The following LRP1B variants were observed in gnomAD, a reference collection of about 807,000 sequenced individuals.
The protein encoded by LRP1B is low-density lipoprotein receptor-related protein 1B.
A neutral mutation model predicts 556.6 loss-of-function variants in LRP1B; 217 were observed. That is an observed-to-expected ratio of 0.39 (90% CI 0.35 to 0.44). LRP1B has a LOEUF of 0.44. LRP1B is among the 20% of genes least tolerant of loss of function. The pLI is 1.00. For synonymous variants in LRP1B, 2,047 were observed against 1,865.8 expected, an observed-to-expected ratio of 1.10 and a Z score of -2.50; for missense variants, 5,053 against 5,620.8, an observed-to-expected ratio of 0.90 and a Z score of 3.23.
At chr2:141,797,144 A>ATC (rs1312768973) in intron 2 of LRP1B, among the ~76,000 whole-genome samples, 2 of 69,208 alleles carry the variant, frequency 2.9e-5, no homozygotes, top group Admixed American at 1.6e-4. Context: ...TTTGAAAATA[A>ATC]TCATATATAT....
intron 35 of LRP1B, 88 bp from the exon 36 acceptor site, chr2:140,716,904 T>C (rs1189769380): frequency 1.6e-6 from 1 of 615,582 alleles, no homozygotes; most frequent in Non-Finnish European, 2.6e-6. Context: ...CAACAGTATC[T>C]TTTAGGATAT....
At chr2:140,390,351 T>C (rs1219511727) in intron 66 of LRP1B, among the ~76,000 whole-genome samples, 2 of 152,150 alleles carry the variant, frequency 1.3e-5, no homozygotes, top group Non-Finnish European at 2.9e-5. Flanking sequence ...GTAGTCAATT[T>C]GATGAAGAAA....
intron 41 of LRP1B, among the ~76,000 whole-genome samples, chr2:140,656,284 T>C (rs772229628): frequency 1.3e-5 from 2 of 152,188 alleles, no homozygotes; most frequent in Non-Finnish European, 2.9e-5. Flanking sequence ...ATTTTTTGTC[T>C]TATTTTAAAG....
At chr2:141,068,612 T>C (rs945528622) in intron 7 of LRP1B, among the ~76,000 whole-genome samples, 5 of 150,950 alleles carry the variant, frequency 3.3e-5, no homozygotes, top group Admixed American at 2.0e-4. Flanking sequence ...ACATGCCTAG[T>C]GCCAGGTAGT....
chr2:141,106,567 C>T (rs1700607396), intron 7 of LRP1B, among the ~76,000 whole-genome samples: 1 of 150,800 alleles, frequency 6.6e-6, no homozygotes, highest in South Asian at 2.1e-4. Context: ...CATGCATATC[C>T]AAACTCAATT....
chr2:141,752,625 A>C (rs1694155603), intron 2 of LRP1B, among the ~76,000 whole-genome samples: 1 of 151,864 alleles, frequency 6.6e-6, no homozygotes, highest in African/African-American at 2.4e-5. Context: ...ATCACACTTC[A>C]AACCAAATAA....
chr2:140,873,814 A>G (rs935285035), intron 25 of LRP1B, among the ~76,000 whole-genome samples: 4 of 151,944 alleles, frequency 2.6e-5, no homozygotes, highest in Non-Finnish European at 5.9e-5. Context: ...CAAAAAAAGT[A>G]TGTCCTTTTT....
chr2:141,219,474 G>C (rs900587538), intron 6 of LRP1B, among the ~76,000 whole-genome samples: 3 of 152,200 alleles, frequency 2.0e-5, no homozygotes, highest in African/African-American at 7.2e-5. Flanking sequence ...CCTGGGGGAA[G>C]GTGTGACCGT....
At chr2:141,116,805 G>A (rs1313539639) in intron 7 of LRP1B, among the ~76,000 whole-genome samples, 2 of 151,758 alleles carry the variant, frequency 1.3e-5, no homozygotes, top group African/African-American at 4.8e-5. Context: ...AGACTGGAAA[G>A]TATATTTTAC....
At chr2:140,751,557 A>T (rs1011294669) in intron 35 of LRP1B, among the ~76,000 whole-genome samples, 19 of 152,308 alleles carry the variant, frequency 1.2e-4, no homozygotes, top group African/African-American at 4.6e-4. Context: ...GAGTTGATGT[A>T]AAGAAAAATA....
intron 72 of LRP1B, among the ~76,000 whole-genome samples, chr2:140,362,420 A>T (rs1682553649): frequency 6.6e-6 from 1 of 151,678 alleles, no homozygotes; most frequent in Non-Finnish European, 1.5e-5. Flanking sequence ...TCTACTTACT[A>T]TGGGATTATG....
chr2:141,608,539 C>T (rs1687997176), intron 2 of LRP1B, among the ~76,000 whole-genome samples: 1 of 152,146 alleles, frequency 6.6e-6, no homozygotes, highest in African/African-American at 2.4e-5. Flanking sequence ...AGTATGTTCA[C>T]AGGAATTATA....
At chr2:141,565,857 T>A (rs1686311173) in intron 2 of LRP1B, among the ~76,000 whole-genome samples, 1 of 152,140 alleles carries the variant, frequency 6.6e-6, no homozygotes, top group Admixed American at 6.5e-5. Flanking sequence ...GAAATACCAG[T>A]TTCTTAAGGT....
chr2:141,954,709 G>T (rs887048569), intron 1 of LRP1B, among the ~76,000 whole-genome samples: 2 of 151,824 alleles, frequency 1.3e-5, no homozygotes, highest in East Asian at 3.9e-4. Flanking sequence ...ATATCTTCAG[G>T]TCTTTCTTCC....
At position 140,840,084 on chromosome 2, in the gene LRP1B, T is replaced by C. The variant is rs199699361; in HGVS notation, c.5116A>G (p.Lys1706Glu). The C allele has an allele frequency of 2.2e-5, 35 of 1,586,446 alleles. No individual in the cohort carries two copies. Among genetic ancestry groups the C allele is most frequent in the Non-Finnish European group, 6.0e-6 (7 of 1,162,872 alleles). The change falls in exon 31 of 91, where the codon AAA becomes GAA. Residue 1706 changes from lysine (K) to glutamate (E), a missense_variant and splice_region_variant. By Grantham distance (56) the Lys-to-Glu change is moderately conservative. Around this residue, in one of 5 missense-constraint regions of LRP1B, gnomAD observed 3,619 missense variants for 3,931.9 expected, o/e 0.92. Coordinates refer to ENST00000389484, the MANE Select transcript of LRP1B (RefSeq NM_018557.3). ...GTGTTTCCATCGGTCCAGTAGAGTTTTCTTAATTCAAAAGACATATGGATT... is the reference window on the plus strand; with the variant it reads ...GTGTTTCCATCGGTCCAGTAGAGTTCTCTTAATTCAAAAGACATATGGATT... Reference protein sequence around the residue: ...QCLAAHPVRGKLYWTDGNTIN... With the variant: ...QCLAAHPVRGELYWTDGNTIN...
intron 2 of LRP1B, among the ~76,000 whole-genome samples, chr2:141,651,772 G>A (rs1003447671): frequency 2.6e-5 from 4 of 152,150 alleles, no homozygotes; most frequent in Non-Finnish European, 5.9e-5. Context: ...TGCTAAATAT[G>A]ATAATCTTAA....
intron 3 of LRP1B, among the ~76,000 whole-genome samples, chr2:141,442,880 C>T (rs545642349): frequency 6.6e-6 from 1 of 152,052 alleles, no homozygotes; most frequent in Non-Finnish European, 1.5e-5. Flanking sequence ...AATACTGCTG[C>T]AATAAACATA....
chr2:141,242,883 A>G (rs1683930564), intron 5 of LRP1B, among the ~76,000 whole-genome samples: 1 of 152,110 alleles, frequency 6.6e-6, no homozygotes, highest in South Asian at 2.1e-4. Context: ...TTTGTAAGTT[A>G]AACACCATTG....
In LRP1B at chr2:141,229,312, T is replaced by C; in HGVS notation, c.721A>G (p.Ile241Val). The C allele has an allele frequency of 6.2e-7, 1 of 1,612,882 alleles. No individual in the cohort carries two copies. The highest frequency in any genetic ancestry group is 8.5e-7 in the Non-Finnish European group (1 of 1,179,164). ...CAACAAATCATATCTTCATTATAAA[T>C]AAAATCCAGAGTATGAATTTCATTT... ...NGNEIHTLDFIYNEDMICWIE... is the reference protein window; with the variant it reads ...NGNEIHTLDFVYNEDMICWIE... Residue 241 changes from isoleucine to valine, a missense_variant, in exon 6 of 91, where the codon ATT (isoleucine) becomes GTT (valine). Physicochemically the swap from Ile to Val is conservative, Grantham distance 29. Transcript: ENST00000389484.
Sources: gnomAD v4.1 joint callset for allele counts (sites outside exome capture counted in the v4.1 genomes callset) on GRCh38, gnomAD v4.1.1 for gene constraint, gnomAD v4.1.1 regional missense constraint, MANE v1.5 for transcripts, NCBI Gene and HGNC (gene_info 2026-07-23, HGNC 2026-07-21) for gene names.